Variants in SSUH2 observed in about 807,000 individuals in gnomAD.
The protein encoded by SSUH2 is protein SSUH2 homolog.
SSUH2 carries 47 observed loss-of-function variants against 55.3 expected under a neutral mutation model. The observed-to-expected ratio is 0.85, with a 90% CI of 0.67 to 1.08. The LOEUF is 1.08. Among genes scored for constraint, SSUH2 ranks in the 50% least tolerant of loss-of-function variants. The pLI is 0.00. For missense variants in SSUH2, 535 were observed against 490.7 expected (o/e 1.09, Z -0.85); for synonymous variants, 212 against 191.5 (o/e 1.11, Z -0.89).
intron 3 of SSUH2, among the ~76,000 whole-genome samples, chr3:8,674,058 T>G (rs1338713098): frequency 6.6e-6 from 1 of 152,158 alleles, no homozygotes; most frequent in Non-Finnish European, 1.5e-5. Flanking sequence ...CTTGCAGGGA[T>G]GAATACATCA....
chr3:8,637,036 C>T (rs1007238234), intron 1 of SSUH2, among the ~76,000 whole-genome samples: 3 of 152,178 alleles, frequency 2.0e-5, no homozygotes, highest in African/African-American at 7.2e-5. Flanking sequence ...TATGATGGTA[C>T]AAAAGCCATA....
intron 7 of SSUH2, among the ~76,000 whole-genome samples, chr3:8,658,126 T>G (rs1703115219): frequency 6.6e-6 from 1 of 152,182 alleles, no homozygotes; most frequent in African/African-American, 2.4e-5. Context: ...ACCCTCAGCT[T>G]CTACATCAGA....
At chr3:8,634,679 A>T (rs1346925001) in intron 3 of SSUH2, 1 of 969,942 alleles carries the variant, frequency 1.0e-6, no homozygotes, top group Non-Finnish European at 1.4e-6. Flanking sequence ...ATGGAGGAGA[A>T]GGGGGTTGCT....
rs191381785 is a variant in SSUH2 at position 8,673,543 on chromosome 3, A to C, written c.-752-1508T>G. Among the ~76,000 whole-genome samples the C allele has an allele frequency of 1.6e-4, 24 of 152,282 alleles. No individual in the cohort carries two copies. In the East Asian group the frequency reaches 4.6e-3, roughly 29 times the overall value. The stretch of plus-strand genomic sequence containing the variant: ...ACCCCATCCTACAGCGAAAAGCCGC[A>C]AGCCCTAATTGATTTGCTCCAGACT... On this transcript the variant is annotated intron_variant, in intron 3 of 18. Coordinates refer to the SSUH2 transcript ENST00000317371.
At chr3:8,637,759 G>A (rs1221100672) in intron 1 of SSUH2, among the ~76,000 whole-genome samples, 1 of 152,190 alleles carries the variant, frequency 6.6e-6, no homozygotes, top group East Asian at 1.9e-4. Flanking sequence ...GGTCATGGAA[G>A]GGGACACCGT....
chr3:8,631,357 C>A (rs1698732514), intron 5 of SSUH2, among the ~76,000 whole-genome samples: 1 of 152,202 alleles, frequency 6.6e-6, no homozygotes, highest in South Asian at 2.1e-4. Context: ...ATCCCCTTCA[C>A]CATCCCATCT....
intron 1 of SSUH2, among the ~76,000 whole-genome samples, chr3:8,644,404 TAGAG>T (rs1409493824): frequency 2.0e-5 from 3 of 152,328 alleles, no homozygotes; most frequent in Admixed American, 1.3e-4. Context: ...GTCACTGTGA[TAGAG>T]AGAAAAGTTC....
intron 2 of SSUH2, among the ~76,000 whole-genome samples, chr3:8,678,030 C>T (rs425082): frequency 0.064 from 9,750 of 151,832 alleles, 404 homozygotes; most frequent in East Asian, 0.16. Context: ...TGCGATATCG[C>T]GTGTCATATC....
chr3:8,646,709 A>G (rs1384958125), upstream of SSUH2, among the ~76,000 whole-genome samples: 1 of 152,212 alleles, frequency 6.6e-6, no homozygotes, highest in Non-Finnish European at 1.5e-5. Context: ...ACCCATCAAC[A>G]CCTAACATCC....
intron 7 of SSUH2, among the ~76,000 whole-genome samples, chr3:8,651,353 A>T (rs1329001571): frequency 1.3e-5 from 2 of 152,060 alleles, no homozygotes; most frequent in Non-Finnish European, 2.9e-5. Context: ...ACTTGTTGGG[A>T]CCTCAGAATT....
rs1301580287 is a variant in SSUH2 at position 8,679,163 on chromosome 3, G to GCAA, written c.-901+541_-901+542insTTG. ...CACCCCCGCGAGGCGGGGACTGAGA[G>GCAA]GCAGCCGCTGTTCCCCCACACTGGC... On this transcript the variant is annotated intron_variant, in intron 2 of 18. Coordinates refer to the SSUH2 transcript ENST00000317371. Among the ~76,000 whole-genome samples the GCAA allele has an allele frequency of 3.3e-5, 2 of 61,506 alleles. 1 individual carries two copies. The highest frequency in any genetic ancestry group is 7.3e-5 in the Non-Finnish European group (2 of 27,256). 40.4% of individuals were successfully genotyped at this position (61,506 alleles called of 152,430 possible).
At chr3:8,640,373 A>G (rs1700627629) in intron 1 of SSUH2, among the ~76,000 whole-genome samples, 1 of 152,230 alleles carries the variant, frequency 6.6e-6, no homozygotes, top group South Asian at 2.1e-4. Context: ...TAGCAAGACC[A>G]GAAAACCTGA....
intron 3 of SSUH2, among the ~76,000 whole-genome samples, chr3:8,673,335 TAAG>T (rs1704829989): frequency 6.6e-6 from 1 of 152,120 alleles, no homozygotes; most frequent in African/African-American, 2.4e-5. Flanking sequence ...TTAATTGCGG[TAAG>T]TCACATTGCG....
chr3:8,659,744 T>C (rs371133), intron 6 of SSUH2: 123,399 of 455,518 alleles, frequency 0.27, 17,043 homozygotes, highest in Middle Eastern at 0.34. Flanking sequence ...TATGTATTCA[T>C]TCATTCAATG....
intron 1 of SSUH2, among the ~76,000 whole-genome samples, chr3:8,640,875 C>T (rs985629146): frequency 5.3e-5 from 8 of 152,162 alleles, no homozygotes; most frequent in African/African-American, 1.9e-4. Context: ...TTTTTGTTTT[C>T]AATTATTTGA....
Position 8,672,365 on chromosome 3 carries a change from G to T in SSUH2, c.-752-330C>A, listed in dbSNP as rs552273490. ...CATTACAAAAAATATCACAGTGTGG[G>T]TGTACACCTCCTGCGACATGGGGGT... On this transcript the variant is annotated intron_variant, in intron 3 of 18. Transcript: ENST00000317371. Among the ~76,000 whole-genome samples the T allele has an allele frequency of 2.6e-5, 4 of 152,182 alleles. No individual in the cohort carries two copies. In the South Asian group the frequency reaches 8.3e-4, roughly 32 times the overall value.
chr3:8,653,778 T>G (rs1198682470), intron 7 of SSUH2, among the ~76,000 whole-genome samples: 1 of 152,232 alleles, frequency 6.6e-6, no homozygotes, highest in Non-Finnish European at 1.5e-5. Context: ...CACAACTGGA[T>G]GCATTTTGAC....
upstream of SSUH2, among the ~76,000 whole-genome samples, chr3:8,646,668 G>C (rs145343663): frequency 6.6e-6 from 1 of 152,356 alleles, no homozygotes; most frequent in Non-Finnish European, 1.5e-5. Context: ...GTCTGCAACA[G>C]TGTGCTTGAG....
intron 7 of SSUH2, among the ~76,000 whole-genome samples, chr3:8,655,707 G>A (rs1018030891): frequency 2.2e-4 from 34 of 152,208 alleles, no homozygotes; most frequent in African/African-American, 6.8e-4. Flanking sequence ...TGACATCAAT[G>A]AGCTGACAGC....
Sources: allele counts gnomAD v4.1 joint callset (sites outside exome capture counted in the v4.1 genomes callset), GRCh38; gene constraint gnomAD v4.1.1; transcripts MANE v1.5; gene names NCBI Gene and HGNC (gene_info 2026-07-23, HGNC 2026-07-21).